DNAH7: variants seen among roughly 807,000 people sequenced by gnomAD.
DNAH7 encodes axonemal beta dynein heavy chain 7.
In DNAH7, 397 loss-of-function variants were observed where a neutral mutation model predicts 444.6. The ratio of observed to expected loss-of-function variants is 0.89; its 90% CI spans 0.82 to 0.97. DNAH7 has a LOEUF of 0.97. Among genes scored for constraint, DNAH7 ranks in the 50% least tolerant of loss-of-function variants. The pLI is 0.00. For missense variants in DNAH7, 4,902 were observed against 4,800.8 expected (o/e 1.02, Z -0.62); for synonymous variants, 1,636 against 1,624.4 (o/e 1.01, Z -0.17).
rs188684073 is a variant in DNAH7, at chr2:195,987,117, C to T, written c.1703G>A (p.Cys568Tyr). 2,340 of 1,609,112 alleles carry T rather than the reference C, an allele frequency of 1.5e-3. 5 individuals are homozygous for T. Among genetic ancestry groups the T allele is most frequent in the Non-Finnish European group, 1.8e-3 (2,117 of 1,178,392 alleles). Residue 568 changes from cysteine (C) to tyrosine (Y), a missense_variant, in exon 14 of 65, where the codon TGT becomes TAT. By Grantham distance (194) the Cys-to-Tyr change is radical. Coordinates refer to ENST00000312428, the MANE Select transcript of DNAH7 (RefSeq NM_018897.3). ...GAACATTTTAGCTAGAAGTTTCCCA[C>T]AAATAATATCTGCTCGCTTCACCAA... ...RALVKRADII[C>Y]GKLLAKMFRD...
Position 195,817,807 on chromosome 2 carries a change from A to G in DNAH7, c.9314T>C (p.Ile3105Thr), listed in dbSNP as rs1387728513. Residue 3105 changes from isoleucine (I) to threonine (T), a missense_variant, in exon 50 of 65, where the codon ATA becomes ACA. By Grantham distance (89) the Ile-to-Thr change is moderately conservative. Coordinates refer to ENST00000312428, the MANE Select transcript of DNAH7 (RefSeq NM_018897.3). ...CTGATCTTGCATTCCCTCAGGGGTT[A>G]TCATGAAGTTTAATAATGTTACCTA... Reference protein sequence around the residue: ...SVKVTLLNFMITPEGMQDQLL... With the variant: ...SVKVTLLNFMTTPEGMQDQLL... The G allele has an allele frequency of 6.2e-7, 1 of 1,600,384 alleles. No individual in the cohort carries two copies. The highest frequency in any genetic ancestry group is 1.3e-5 in the African/African-American group (1 of 74,146).
chr2:195,991,888 G>T (rs1031011391), intron 12 of DNAH7, among the ~76,000 whole-genome samples: 1 of 152,174 alleles, frequency 6.6e-6, no homozygotes. Flanking sequence ...GACGATGCAA[G>T]AATACAGTAT....
At chr2:196,006,628 T>C (rs1694392698) in intron 10 of DNAH7, among the ~76,000 whole-genome samples, 1 of 150,778 alleles carries the variant, frequency 6.6e-6, no homozygotes, top group Non-Finnish European at 1.5e-5. Flanking sequence ...GCAGATGATA[T>C]GATCTTATAT....
intron 12 of DNAH7, chr2:195,994,394 GT>G: frequency 2.8e-6 from 2 of 716,278 alleles, no homozygotes; most frequent in Admixed American, 2.1e-5. Context: ...GTCCTTCTAG[GT>G]TAGAAGGAAT....
At chr2:196,027,457 A>G (rs1330460175) in intron 6 of DNAH7, among the ~76,000 whole-genome samples, 3 of 148,596 alleles carry the variant, frequency 2.0e-5, no homozygotes, top group Admixed American at 6.7e-5. Flanking sequence ...TATTATTTCT[A>G]TAATAATGAA....
chr2:196,052,984 A>G (rs538154302), intron 2 of DNAH7, among the ~76,000 whole-genome samples: 1 of 152,368 alleles, frequency 6.6e-6, no homozygotes, highest in South Asian at 2.1e-4. Context: ...TACCTAGTCC[A>G]TAGTCGTGGA....
intron 63 of DNAH7, among the ~76,000 whole-genome samples, chr2:195,752,242 G>T (rs901315230): frequency 6.7e-6 from 1 of 148,810 alleles, no homozygotes; most frequent in African/African-American, 2.5e-5. Flanking sequence ...CTACACTGTA[G>T]GTGGGGTCAC....
intron 24 of DNAH7, among the ~76,000 whole-genome samples, chr2:195,913,338 TA>T (rs1269009365): frequency 1.3e-5 from 2 of 152,164 alleles, no homozygotes; most frequent in African/African-American, 2.4e-5. Flanking sequence ...AGGCATTCTT[TA>T]AATGTAAGAT....
chr2:195,862,258 T>C (rs1318218085), intron 41 of DNAH7, among the ~76,000 whole-genome samples: 6 of 152,166 alleles, frequency 3.9e-5, no homozygotes, highest in Non-Finnish European at 8.8e-5. Flanking sequence ...TCTGTATGCA[T>C]TTTACTGGTA....
At chr2:195,821,122 T>C (rs188773869) in intron 49 of DNAH7, among the ~76,000 whole-genome samples, 82 of 148,404 alleles carry the variant, frequency 5.5e-4, no homozygotes, top group African/African-American at 1.9e-3. Context: ...CTCTCCCTCC[T>C]AAAGACAAGC....
Position 195,987,185 on chromosome 2 carries a change from A to G in DNAH7, c.1635T>C (p.Arg545=). ...EIQYTSIKTI[R]LGMFEMHCEE... is the part of the protein sequence containing the mutation. ...CACAGTGCATTTCAAACATTCCTAA[A>G]CGAATAGTCTGCAAAAGATTAAAAG... is the stretch of plus-strand genomic sequence containing the variant. The change falls in exon 14 of 65, where the codon CGT becomes CGC. Residue 545 remains arginine, a synonymous_variant. Coordinates refer to ENST00000312428, the MANE Select transcript of DNAH7 (RefSeq NM_018897.3). 2 of 1,588,916 alleles carry G rather than the reference A, an allele frequency of 1.3e-6. No individual in the cohort carries two copies. The highest frequency in any genetic ancestry group is 1.4e-5 in the African/African-American group (1 of 74,014).
intron 2 of DNAH7, among the ~76,000 whole-genome samples, chr2:196,055,606 G>A (rs754387544): frequency 6.6e-6 from 1 of 152,216 alleles, no homozygotes. Flanking sequence ...GGTGCAATAG[G>A]TGTTCTCAGA....
intron 12 of DNAH7, among the ~76,000 whole-genome samples, chr2:195,992,808 T>C (rs886952463): frequency 1.3e-5 from 2 of 152,198 alleles, no homozygotes; most frequent in Non-Finnish European, 1.5e-5. Context: ...CCCTCCAACT[T>C]GGGACGCCAT....
intron 10 of DNAH7, among the ~76,000 whole-genome samples, chr2:196,009,911 C>A (rs1214008027): frequency 6.6e-6 from 1 of 152,102 alleles, no homozygotes; most frequent in East Asian, 1.9e-4. Context: ...ATGAAGAATG[C>A]CCAACATTCC....
At chr2:195,981,057 C>G (rs995681470) in intron 15 of DNAH7, among the ~76,000 whole-genome samples, 1 of 152,046 alleles carries the variant, frequency 6.6e-6, no homozygotes, top group Non-Finnish European at 1.5e-5. Context: ...GTTAAATTAT[C>G]CTCGTTTGCA....
In DNAH7 at chr2:195,850,948, C is replaced by T. The variant is rs1699326243; in HGVS notation, c.8781+2395G>A. On this transcript the variant is annotated intron_variant, in intron 46 of 64. Transcript: ENST00000312428. Reference sequence around the variant, plus strand: ...ACCAGGGGGAAGGGAGAGAGACTCCCATGCTCCCTTCAATTATTCATTAAG... The same window carrying T: ...ACCAGGGGGAAGGGAGAGAGACTCCTATGCTCCCTTCAATTATTCATTAAG... 2.0e-5 allele frequency among the ~76,000 whole-genome samples: 3 copies of T among 152,168 alleles called. No individual in the cohort carries two copies. In the South Asian group the frequency reaches 6.2e-4, roughly 32 times the overall value.
intron 29 of DNAH7, among the ~76,000 whole-genome samples, chr2:195,895,794 G>A (rs1396120774): frequency 2.0e-5 from 3 of 152,054 alleles, no homozygotes; most frequent in Non-Finnish European, 4.4e-5. Flanking sequence ...TAATATAAAT[G>A]AAATTAGACC....
chr2:195,861,794 T>G lies in DNAH7; in HGVS notation c.7659A>C (p.Gln2553His). The G allele has an allele frequency of 6.2e-7, 1 of 1,613,736 alleles. No homozygotes were observed. The highest frequency in any genetic ancestry group is 8.5e-7 in the Non-Finnish European group (1 of 1,179,730). ...AGGTAGGAGTCACATAATTGTATCT[T>G]TGAAGTTCAACAAAGAAAGATTTGG... ...DLSKSFFVEL[Q>H]RYNYVTPTSY... Residue 2553 changes from glutamine (Q) to histidine (H), a missense_variant, in exon 42 of 65, where the codon CAA (glutamine) becomes CAC (histidine). Coordinates refer to ENST00000312428, the MANE Select transcript of DNAH7 (RefSeq NM_018897.3).
chr2:195,877,525 C>G (rs901098258), intron 36 of DNAH7, among the ~76,000 whole-genome samples: 2 of 152,104 alleles, frequency 1.3e-5, no homozygotes, highest in Non-Finnish European at 2.9e-5. Flanking sequence ...CAAGCAAGTC[C>G]TCCTTTCATG....
Sources: gnomAD v4.1 joint callset for allele counts (sites outside exome capture counted in the v4.1 genomes callset) on GRCh38, gnomAD v4.1.1 for gene constraint, MANE v1.5 for transcripts, NCBI Gene and HGNC (gene_info 2026-07-23, HGNC 2026-07-21) for gene names.